The following XIRP2 variants were observed in gnomAD, a reference collection of about 807,000 sequenced individuals.
XIRP2 encodes the protein xin actin-binding repeat-containing protein 2.
In XIRP2, 236 loss-of-function variants were observed where a neutral mutation model predicts 277.0. The ratio of observed to expected loss-of-function variants is 0.85; its 90% confidence interval spans 0.77 to 0.95. The LOEUF is 0.95. XIRP2 is among the 40% of genes least tolerant of loss of function. The pLI is 0.00. For synonymous variants in XIRP2, 1,490 were observed against 1,416.5 expected (o/e 1.05, Z -1.17); for missense variants, 4,640 against 4,157.5 (o/e 1.12, Z -3.19).
rs189206522 is a variant in XIRP2, at chr2:166,939,558, T to A, written c.408+35668T>A. 1.3e-3 allele frequency among the ~76,000 whole-genome samples: 194 copies of A among 151,194 alleles called. 1 individual carries two copies. The highest frequency in any genetic ancestry group is 4.4e-3 in the African/African-American group (183 of 41,188). On this transcript the variant is annotated intron_variant, in intron 2 of 10. Coordinates refer to ENST00000409195, the MANE Select transcript of XIRP2 (RefSeq NM_152381.6). Reference sequence around the variant, plus strand: ...AGCTGGGCGTGGTGGTGGCCTCCTGTAGTCCCAGCTACTCGGGAGGCTGGG... The same window carrying A: ...AGCTGGGCGTGGTGGTGGCCTCCTGAAGTCCCAGCTACTCGGGAGGCTGGG...
chr2:166,902,645 A>AT (rs913312033), intron 1 of XIRP2, among the ~76,000 whole-genome samples: 1 of 151,446 alleles, frequency 6.6e-6, no homozygotes. Context: ...ACACTTTGCC[A>AT]TTTTTTTTCT....
chr2:166,917,881 A>G (rs1033530498), intron 2 of XIRP2, among the ~76,000 whole-genome samples: 1 of 152,166 alleles, frequency 6.6e-6, no homozygotes, highest in Admixed American at 6.5e-5. Context: ...TAATTTAACA[A>G]ATACCGTAAG....
At chr2:166,900,494 T>C (rs1167771638) in intron 1 of XIRP2, among the ~76,000 whole-genome samples, 1 of 152,088 alleles carries the variant, frequency 6.6e-6, no homozygotes, top group Non-Finnish European at 1.5e-5. Context: ...CTGTTGATTG[T>C]TTTCTGCTTT....
intron 3 of XIRP2, among the ~76,000 whole-genome samples, chr2:167,148,957 CAT>C (rs1420136882): frequency 1.3e-5 from 2 of 151,596 alleles, no homozygotes; most frequent in Non-Finnish European, 2.9e-5. Context: ...TAGATGAAAG[CAT>C]GCAATTGATT....
intron 2 of XIRP2, among the ~76,000 whole-genome samples, chr2:166,945,911 G>C (rs1327022130): frequency 6.6e-6 from 1 of 151,978 alleles, no homozygotes; most frequent in Non-Finnish European, 1.5e-5. Context: ...TCGAACTCCT[G>C]TCTGCTAAGA....
Position 167,126,245 on chromosome 2 carries a change from G to A in XIRP2, c.409-9664G>A, listed in dbSNP as rs539003848. On this transcript the variant is annotated intron_variant, in intron 2 of 10. Transcript: ENST00000409195. ...CTGCCACCTTGTTTTTTGAGGCCAC[G>A]GTAGTCTCAGATATAATCACACTTC... 6.6e-5 allele frequency among the ~76,000 whole-genome samples: 10 copies of A among 151,752 alleles called. No individual in the cohort carries two copies. In the South Asian group the frequency reaches 8.3e-4, roughly 13 times the overall value.
chr2:167,129,953 G>A (rs751920431), intron 2 of XIRP2, among the ~76,000 whole-genome samples: 1 of 151,168 alleles, frequency 6.6e-6, no homozygotes, highest in Non-Finnish European at 1.5e-5. Context: ...TGCTTTCCTC[G>A]TTTTGAAGAG....
intron 2 of XIRP2, among the ~76,000 whole-genome samples, chr2:167,013,553 A>C (rs1002974150): frequency 2.0e-5 from 3 of 151,518 alleles, no homozygotes; most frequent in Non-Finnish European, 4.4e-5. Context: ...TGCTAAATGC[A>C]TGGAGAATAT....
At chr2:167,209,385 A>T (rs533140835) in intron 3 of XIRP2, among the ~76,000 whole-genome samples, 248 of 152,284 alleles carry the variant, frequency 1.6e-3, no homozygotes, top group Non-Finnish European at 2.7e-3. Flanking sequence ...AAGCAATTCA[A>T]TAAGATGGTT....
At chr2:166,996,793 C>G (rs1024384541) in intron 2 of XIRP2, among the ~76,000 whole-genome samples, 2 of 152,056 alleles carry the variant, frequency 1.3e-5, no homozygotes, top group African/African-American at 4.8e-5. Context: ...CTCCAGTGCA[C>G]AACACACACA....
intron 2 of XIRP2, among the ~76,000 whole-genome samples, chr2:167,039,216 C>T (rs1688593304): frequency 1.3e-5 from 2 of 152,050 alleles, no homozygotes; most frequent in Non-Finnish European, 2.9e-5. Context: ...TAGCAAGAAA[C>T]AACCTTACTC....
chr2:166,964,503 G>C (rs73973539), intron 2 of XIRP2, among the ~76,000 whole-genome samples: 5,193 of 151,878 alleles, frequency 0.034, 113 homozygotes, highest in East Asian at 0.079. Context: ...ATAGGAGGCT[G>C]TAAATGATTT....
At chr2:166,994,834 A>G (rs1231575915) in intron 2 of XIRP2, among the ~76,000 whole-genome samples, 2 of 152,144 alleles carry the variant, frequency 1.3e-5, no homozygotes, top group African/African-American at 4.8e-5. Flanking sequence ...AAGGGTTTAC[A>G]GGAATTGTGT....
intron 5 of XIRP2, among the ~76,000 whole-genome samples, chr2:167,221,199 G>A (rs1374949337): frequency 6.6e-6 from 1 of 152,038 alleles, no homozygotes; most frequent in Admixed American, 6.6e-5. Context: ...GTGGCCAGGT[G>A]CGGTGTCTCA....
intron 2 of XIRP2, among the ~76,000 whole-genome samples, chr2:167,077,011 TTTTG>T (rs761159868): frequency 5.3e-5 from 8 of 152,014 alleles, no homozygotes; most frequent in South Asian, 2.1e-4. Context: ...TTGTGTGTTT[TTTTG>T]TTTGTTTGTT....
chr2:167,254,227 A>G (rs780434906), intron 10 of XIRP2, 62 bp downstream of exon 10: 45 of 1,526,738 alleles, frequency 2.9e-5, no homozygotes, highest in Admixed American at 1.6e-4. Flanking sequence ...GTATAGCCTC[A>G]TATCTCTAGG....
At chr2:167,031,018 C>CTT (rs35008535) in intron 2 of XIRP2, among the ~76,000 whole-genome samples, 17,637 of 144,086 alleles carry the variant, frequency 0.12, 1,471 homozygotes, top group East Asian at 0.41. Flanking sequence ...GCAAGCTTTG[C>CTT]TTTTTTTTTT....
At position 166,982,325 on chromosome 2, in the gene XIRP2, T is replaced by A. The variant is rs568012134; in HGVS notation, c.408+78435T>A. On this transcript the variant is annotated intron_variant, in intron 2 of 10. Coordinates refer to ENST00000409195, the MANE Select transcript of XIRP2 (RefSeq NM_152381.6). Reference sequence around the variant, plus strand: ...AATATGTTTAGGTACAGTTTTTTTTTTTAAAAAAAAAACAGTCTGGGTTAA... The same window carrying A: ...AATATGTTTAGGTACAGTTTTTTTTATTAAAAAAAAAACAGTCTGGGTTAA... Among the ~76,000 whole-genome samples, 25 of 131,358 alleles carry A rather than the reference T, an allele frequency of 1.9e-4. 1 individual carries two copies. In the East Asian group the frequency reaches 5.1e-3, roughly 27 times the overall value. The allele number at this position is 131,358 out of a possible 152,430, so 86.2% of individuals were successfully genotyped here.
At chr2:167,068,844 T>A (rs949761769) in intron 2 of XIRP2, among the ~76,000 whole-genome samples, 18 of 150,786 alleles carry the variant, frequency 1.2e-4, no homozygotes, top group African/African-American at 4.4e-4. Flanking sequence ...TGTCTTGCAA[T>A]TTTTTTTTAG....
Sources: allele counts gnomAD v4.1 joint callset (sites outside exome capture counted in the v4.1 genomes callset), GRCh38; gene constraint gnomAD v4.1.1; transcripts MANE v1.5; gene names NCBI Gene and HGNC (gene_info 2026-07-23, HGNC 2026-07-21).